TRIP12: variants seen among roughly 807,000 people sequenced by gnomAD.
TRIP12 encodes thyroid hormone receptor interactor 12.
Under a neutral mutation model 244.2 loss-of-function variants are expected in TRIP12, and 25 were observed. The observed-to-expected ratio is 0.10, with a 90% CI of 0.07 to 0.14. The LOEUF is 0.14. TRIP12 is among the 10% of genes least tolerant of loss of function. TRIP12 has a pLI of 1.00. For synonymous variants in TRIP12, 905 were observed against 873.1 expected (o/e 1.04, Z -0.64); for missense variants, 1,677 against 2,486.4 (o/e 0.67, Z 6.92).
In TRIP12 at chr2:229,767,026, G is replaced by A. The variant is rs1574625490; in HGVS notation, c.*528C>T. On this transcript the variant is annotated 3_prime_UTR_variant, in exon 42 of 42. Coordinates refer to ENST00000675903, the MANE Select transcript of TRIP12 (RefSeq NM_001348323.3). ...GAGTTGTATACAAAAAAAAAACTGTGAGCTGCACAGATAATAATGAATCAG... is the reference window on the plus strand; with the variant it reads ...GAGTTGTATACAAAAAAAAAACTGTAAGCTGCACAGATAATAATGAATCAG... 1 of 152,216 alleles carries A rather than the reference G, an allele frequency of 6.6e-6. No homozygotes were observed. Among genetic ancestry groups the A allele is most frequent in the African/African-American group, 2.4e-5 (1 of 41,412 alleles). The allele number at this position is 152,216 out of a possible 1,614,324, so 9.4% of individuals were successfully genotyped here. A position where few individuals can be genotyped will look rare whatever the true frequency, so the allele number is the denominator to read the frequency against.
At chr2:229,850,567 A>T (rs1003958391) in intron 4 of TRIP12, among the ~76,000 whole-genome samples, 2 of 152,192 alleles carry the variant, frequency 1.3e-5, no homozygotes, top group African/African-American at 2.4e-5. Flanking sequence ...CAGTCCTCAC[A>T]GCCCTCGCTC....
At chr2:229,797,999 C>CGATGTACCCATTGTACATCTCCA (rs1307839479) in intron 23 of TRIP12, among the ~76,000 whole-genome samples, 168 bp from the exon 24 acceptor site, 1 of 152,174 alleles carries the variant, frequency 6.6e-6, no homozygotes, top group Non-Finnish European at 1.5e-5. Context: ...AAATGGGCTA[C>CGATGTACCCATTGTACATCTCCA]GATGTACCAC....
intron 1 of TRIP12, among the ~76,000 whole-genome samples, chr2:229,903,836 TG>T (rs1185566664): frequency 7.0e-6 from 1 of 142,732 alleles, no homozygotes; most frequent in African/African-American, 2.6e-5. Flanking sequence ...GGCAACATGG[TG>T]AAACCCCATG....
At chr2:229,919,346 C>G (rs1393384578) in intron 1 of TRIP12, among the ~76,000 whole-genome samples, 1 of 151,504 alleles carries the variant, frequency 6.6e-6, no homozygotes, top group African/African-American at 2.4e-5. Flanking sequence ...AACCAGGAGG[C>G]AGAGGTTGCA....
At chr2:229,880,233 TG>T in intron 1 of TRIP12, 105 bp from the exon 2 acceptor site, 1 of 689,810 alleles carries the variant, frequency 1.4e-6, no homozygotes. Flanking sequence ...GCAAACTATC[TG>T]ATTTTACAGC....
intron 1 of TRIP12, among the ~76,000 whole-genome samples, chr2:229,914,124 A>AGGAGGT (rs1041834873): frequency 5.3e-5 from 8 of 152,032 alleles, no homozygotes; most frequent in Admixed American, 3.9e-4. Context: ...GCTTGAACCA[A>AGGAGGT]GGAGGTGGAG....
chr2:229,878,584 T>A lies in TRIP12; in HGVS notation c.98+1398A>T, dbSNP rs74851135. Among the ~76,000 whole-genome samples the A allele has an allele frequency of 1.1e-3, 162 of 147,666 alleles. 1 individual carries two copies. The highest frequency in any genetic ancestry group is 3.5e-3 in the Middle Eastern group (1 of 282). On this transcript the variant is annotated intron_variant, in intron 2 of 41. Transcript: ENST00000675903. ...CTTTACATTTGACATTAAAAAAAAA[T>A]TTTTTTTTTTTGAGACGGAGTCTCG...
chr2:229,775,385 T>G (rs900375274), intron 37 of TRIP12, among the ~76,000 whole-genome samples: 2 of 141,036 alleles, frequency 1.4e-5, no homozygotes, highest in African/African-American at 2.9e-5. Flanking sequence ...GCACAAAGAT[T>G]TAAAAAAAAA....
intron 4 of TRIP12, among the ~76,000 whole-genome samples, chr2:229,853,009 T>C (rs568228979): frequency 6.6e-6 from 1 of 152,330 alleles, no homozygotes; most frequent in South Asian, 2.1e-4. Flanking sequence ...CCTTGAATAA[T>C]ACTTGAACAT....
chr2:229,895,048 A>C (rs1419065386), intron 1 of TRIP12, among the ~76,000 whole-genome samples: 1 of 152,236 alleles, frequency 6.6e-6, no homozygotes, highest in African/African-American at 2.4e-5. Context: ...ATGAATAAAA[A>C]CCTGCAAAAA....
At chr2:229,828,248 T>C (rs1434633204) in intron 8 of TRIP12, among the ~76,000 whole-genome samples, 1 of 152,092 alleles carries the variant, frequency 6.6e-6, no homozygotes, top group African/African-American at 2.4e-5. Flanking sequence ...TAGTCTACGG[T>C]TTATATTAAG....
chr2:229,872,508 G>A (rs754940811), intron 2 of TRIP12, among the ~76,000 whole-genome samples: 1 of 152,088 alleles, frequency 6.6e-6, no homozygotes, highest in South Asian at 2.1e-4. Context: ...AGGTTGCAGT[G>A]AGCCAAGATC....
intron 8 of TRIP12, among the ~76,000 whole-genome samples, chr2:229,821,509 A>T (rs1271318403): frequency 2.0e-5 from 3 of 152,212 alleles, no homozygotes; most frequent in Non-Finnish European, 4.4e-5. Context: ...CTGTAGCTGG[A>T]AAGTATCCAT....
chr2:229,858,642 A>C (rs987999394), intron 4 of TRIP12, 130 bp downstream of exon 4: 1 of 785,888 alleles, frequency 1.3e-6, no homozygotes, highest in African/African-American at 1.7e-5. Context: ...ACTTAATTAC[A>C]CAGACAGTAA....
intron 1 of TRIP12, among the ~76,000 whole-genome samples, chr2:229,917,376 G>C (rs1339696409): frequency 4.8e-5 from 2 of 41,962 alleles, no homozygotes; most frequent in Non-Finnish European, 8.1e-5. Flanking sequence ...GCGAGACTCT[G>C]TCTCAAAAAA....
At chr2:229,784,559 C>T (rs2039407562) in intron 34 of TRIP12, among the ~76,000 whole-genome samples, 1 of 147,878 alleles carries the variant, frequency 6.8e-6, no homozygotes, top group Admixed American at 6.7e-5. Flanking sequence ...CTGAAAATTT[C>T]TGCTCTTCCA....
intron 29 of TRIP12, 57 bp from the exon 30 acceptor site, chr2:229,791,308 C>CA (rs1254374715): frequency 6.3e-7 from 1 of 1,594,858 alleles, no homozygotes; most frequent in East Asian, 2.2e-5. Context: ...GATACAAAGC[C>CA]AAAATCTAAG....
chr2:229,831,171 G>T, intron 6 of TRIP12: 1 of 707,282 alleles, frequency 1.4e-6, no homozygotes, highest in Non-Finnish European at 2.6e-6. Flanking sequence ...AGAACATACT[G>T]CTGTAACAAT....
At chr2:229,918,165 C>T (rs2075856083) in intron 1 of TRIP12, among the ~76,000 whole-genome samples, 1 of 152,196 alleles carries the variant, frequency 6.6e-6, no homozygotes, top group Admixed American at 6.5e-5. Flanking sequence ...AGGAAGTGAT[C>T]TGAAGACATG....
Sources: allele counts gnomAD v4.1 joint callset (sites outside exome capture counted in the v4.1 genomes callset), GRCh38; gene constraint gnomAD v4.1.1; transcripts MANE v1.5; gene names NCBI Gene and HGNC (gene_info 2026-07-23, HGNC 2026-07-21).